Variants in SUGCT observed in about 807,000 individuals in gnomAD.
SUGCT encodes the protein succinyl-CoA:glutarate CoA-transferase.
SUGCT carries 41 observed loss-of-function variants against 55.0 expected under a neutral mutation model. The observed-to-expected ratio is 0.74, with a 90% CI of 0.58 to 0.97. SUGCT has a LOEUF of 0.97. Ranked by LOEUF, SUGCT falls within the 50% of genes least tolerant of loss-of-function variation. SUGCT has a pLI of 0.00. For synonymous variants in SUGCT, 187 were observed against 200.4 expected, an observed-to-expected ratio of 0.93 and a Z score of 0.56; for missense variants, 568 against 547.8, an observed-to-expected ratio of 1.04 and a Z score of -0.37.
the SUGCT span, among the ~76,000 whole-genome samples, chr7:40,932,110 T>C: frequency 6.6e-6 from 1 of 152,218 alleles, no homozygotes; most frequent in African/African-American, 2.4e-5. Context: ...TCTCAGAGAT[T>C]CTGGTACATT....
the SUGCT span, among the ~76,000 whole-genome samples, chr7:40,898,488 G>C: frequency 2.3e-5 from 2 of 85,292 alleles, no homozygotes; most frequent in African/African-American, 1.4e-4. Flanking sequence ...GTCGGGGGGG[G>C]GGGGGGGGGT....
chr7:40,958,756 A>G, the SUGCT span, among the ~76,000 whole-genome samples: 8 of 151,846 alleles, frequency 5.3e-5, no homozygotes, highest in African/African-American at 1.9e-4. Flanking sequence ...TGGTTTTTGG[A>G]ATTTTCAGCC....
intron 13 of SUGCT, among the ~76,000 whole-genome samples, chr7:40,823,497 T>C (rs79937442): frequency 2.6e-5 from 4 of 152,172 alleles, no homozygotes; most frequent in Non-Finnish European, 5.9e-5. Context: ...AACTGTCGTT[T>C]CACATGTGTA....
At chr7:40,392,839 C>A (rs990156368) in intron 9 of SUGCT, among the ~76,000 whole-genome samples, 1 of 152,108 alleles carries the variant, frequency 6.6e-6, no homozygotes, top group Admixed American at 6.6e-5. Context: ...AATAAATTTA[C>A]AGGAGCTAGT....
chr7:40,624,949 A>G (rs374784007), intron 12 of SUGCT, among the ~76,000 whole-genome samples: 5 of 152,102 alleles, frequency 3.3e-5, no homozygotes, highest in African/African-American at 1.2e-4. Flanking sequence ...CTACAACCCC[A>G]CTTATCATAG....
chr7:40,244,844 G>C (rs1292766523), intron 7 of SUGCT, among the ~76,000 whole-genome samples: 1 of 152,062 alleles, frequency 6.6e-6, no homozygotes, highest in Non-Finnish European at 1.5e-5. Context: ...GAGAGAGAGA[G>C]AGCAGGAAGG....
intron 8 of SUGCT, among the ~76,000 whole-genome samples, chr7:40,301,807 A>G (rs1794557829): frequency 6.6e-6 from 1 of 152,176 alleles, no homozygotes; most frequent in Non-Finnish European, 1.5e-5. Flanking sequence ...GTCTAAGTTC[A>G]TTTATTTTGA....
At chr7:40,591,183 A>G (rs1407983139) in intron 12 of SUGCT, among the ~76,000 whole-genome samples, 1 of 152,248 alleles carries the variant, frequency 6.6e-6, no homozygotes, top group Admixed American at 6.5e-5. Flanking sequence ...TTCGTGATTC[A>G]TAGGAGGAGG....
At chr7:40,865,061 T>C (rs1794555702), downstream of SUGCT, among the ~76,000 whole-genome samples, 1 of 152,112 alleles carries the variant, frequency 6.6e-6, no homozygotes, top group South Asian at 2.1e-4. Context: ...CTTACCTGTC[T>C]TTTTTCTCAG....
intron 9 of SUGCT, among the ~76,000 whole-genome samples, chr7:40,384,753 C>T (rs962712851): frequency 4.2e-5 from 2 of 48,096 alleles, no homozygotes; most frequent in East Asian, 2.7e-4. Context: ...GCATGTTGGC[C>T]AGGCTGGTTT....
chr7:41,008,147 T>G, the SUGCT span, among the ~76,000 whole-genome samples: 1 of 152,224 alleles, frequency 6.6e-6, no homozygotes, highest in South Asian at 2.1e-4. Flanking sequence ...GGCTGGGGGA[T>G]GCACAGAAAT....
At chr7:40,998,185 G>A in the SUGCT span, among the ~76,000 whole-genome samples, 2 of 152,110 alleles carry the variant, frequency 1.3e-5, no homozygotes, top group African/African-American at 4.8e-5. Context: ...GGGTCAACAT[G>A]ATGAAACCCC....
intron 8 of SUGCT, among the ~76,000 whole-genome samples, chr7:40,315,668 GA>G (rs770250457): frequency 2.0e-5 from 3 of 152,222 alleles, no homozygotes; most frequent in Non-Finnish European, 2.9e-5. Context: ...GAAAAGGCCT[GA>G]AAAATCATGC....
chr7:40,340,721 C>T (rs1313503532), intron 9 of SUGCT, among the ~76,000 whole-genome samples: 1 of 152,116 alleles, frequency 6.6e-6, no homozygotes, highest in Non-Finnish European at 1.5e-5. Flanking sequence ...ATTCAAGACA[C>T]AGCACAAAAA....
chr7:40,765,726 G>A (rs915975064), intron 13 of SUGCT, among the ~76,000 whole-genome samples: 3 of 152,144 alleles, frequency 2.0e-5, no homozygotes, highest in Non-Finnish European at 4.4e-5. Flanking sequence ...CCCATACAGG[G>A]GGAAGAAACT....
At chr7:40,854,361 C>T (rs1794012565) in intron 13 of SUGCT, among the ~76,000 whole-genome samples, 1 of 151,990 alleles carries the variant, frequency 6.6e-6, no homozygotes, top group African/African-American at 2.4e-5. Context: ...TTTCCCTATG[C>T]TCCTTAGCAG....
chr7:40,156,473 A>G (rs1045266242), intron 1 of SUGCT, among the ~76,000 whole-genome samples: 5 of 152,056 alleles, frequency 3.3e-5, no homozygotes, highest in Non-Finnish European at 7.4e-5. Context: ...AAAGAAATAG[A>G]AGATTTTTAG....
chr7:40,188,500 G>T lies in SUGCT; in HGVS notation c.232G>T (p.Gly78Cys). Residue 78 changes from glycine to cysteine, a missense_variant, in exon 4 of 14, where the codon GGT becomes TGT. Coordinates refer to ENST00000335693, the MANE Select transcript of SUGCT (RefSeq NM_001193313.2). ...GCTCATGTTATTATTTTCAGGAGCT[G>T]GTGATGATACACGAACTTGGGGGCC... ...EVIKVERPGA[G>C]DDTRTWGPPF... The T allele has an allele frequency of 6.2e-7, 1 of 1,602,930 alleles. No homozygotes were observed. Among genetic ancestry groups the T allele is most frequent in the East Asian group, 2.2e-5 (1 of 44,624 alleles).
intron 12 of SUGCT, among the ~76,000 whole-genome samples, chr7:40,524,641 G>A (rs1197031727): frequency 6.6e-6 from 1 of 152,012 alleles, no homozygotes; most frequent in African/African-American, 2.4e-5. Flanking sequence ...TAAGAATTCT[G>A]TTAAAATTTC....
Sources: allele counts gnomAD v4.1 joint callset (sites outside exome capture counted in the v4.1 genomes callset), GRCh38; gene constraint gnomAD v4.1.1; transcripts MANE v1.5; gene names NCBI Gene and HGNC (gene_info 2026-07-23, HGNC 2026-07-21).